Variants in ADAMTS9 observed in about 807,000 individuals in gnomAD.
The protein encoded by ADAMTS9 is A disintegrin and metalloproteinase with thrombospondin motifs 9.
A neutral mutation model predicts 257.1 loss-of-function variants in ADAMTS9; 107 were observed. That is an observed-to-expected ratio of 0.42 (90% confidence interval 0.36 to 0.49). The LOEUF is 0.49. Ranked by LOEUF, ADAMTS9 falls within the 20% of genes least tolerant of loss-of-function variation. ADAMTS9 has a pLI of 0.03. For synonymous variants in ADAMTS9, 982 were observed against 880.9 expected (o/e 1.11, Z -2.03); for missense variants, 2,353 against 2,469.1 (o/e 0.95, Z 1.00).
chr3:64,522,047 T>C, intron 39 of ADAMTS9, 119 bp downstream of exon 39: 3 of 771,478 alleles, frequency 3.9e-6, no homozygotes, highest in African/African-American at 1.7e-5. Context: ...TAGAACTGTA[T>C]TGGGTCAGCT....
intron 31 of ADAMTS9, chr3:64,550,135 A>G (rs1260413332): frequency 2.0e-5 from 3 of 152,234 alleles, no homozygotes; most frequent in African/African-American, 7.2e-5. Context: ...GTTTGAAAAT[A>G]ATATAATCAT....
intron 28 of ADAMTS9, among the ~76,000 whole-genome samples, chr3:64,581,141 A>T (rs531218354): frequency 6.6e-6 from 1 of 152,316 alleles, no homozygotes; most frequent in Admixed American, 6.5e-5. Context: ...TCAGATGTTT[A>T]ATAAATGAGG....
chr3:64,674,515 A>T (rs1701577204), intron 3 of ADAMTS9, among the ~76,000 whole-genome samples: 1 of 152,236 alleles, frequency 6.6e-6, no homozygotes, highest in Non-Finnish European at 1.5e-5. Context: ...GAACTGTTGC[A>T]GGAGTAAATG....
In ADAMTS9 at chr3:64,641,935, G is replaced by C; in HGVS notation, c.1769C>G (p.Ser590Cys). The change falls in exon 12 of 40, where the codon TCC becomes TGC. Residue 590 changes from serine to cysteine, a missense_variant. By Grantham distance (112) the Ser-to-Cys change is moderately radical (BLOSUM62 -1). Transcript: ENST00000498707. ...TCCAAAGGGACTCCAACTTCCCCAG[G>C]ATCCATCTGTCACGGGGACATCCAT... Reference protein sequence around the residue: ...KEMDVPVTDGSWGSWSPFGTC... With the variant: ...KEMDVPVTDGCWGSWSPFGTC... 6.2e-7 allele frequency: 1 copy of C among 1,614,082 alleles called. No homozygotes were observed. The highest frequency in any genetic ancestry group is 8.5e-7 in the Non-Finnish European group (1 of 1,180,006).
chr3:64,603,948 GC>G lies in ADAMTS9; in HGVS notation c.3720del (p.Gln1241AsnfsTer12). ...GAGCTCCAGTCCAAGGCCTTCCATT[GC>G]CCACAGGGTGTCACAGAACATTCTT... is the stretch of plus-strand genomic sequence containing the variant. ...AKEECSVTPCGQWKALDWSSC... is the reference protein window; with the variant it reads ...AKEECSVTPCXQWKALDWSSC... On this transcript the variant is annotated frameshift_variant, in exon 25 of 40. Coordinates refer to ENST00000498707, the MANE Select transcript of ADAMTS9 (RefSeq NM_182920.2). LOFTEE classifies it high-confidence loss of function. The G allele has an allele frequency of 6.2e-7, 1 of 1,613,788 alleles. No individual in the cohort carries two copies. The highest frequency in any genetic ancestry group is 8.5e-7 in the Non-Finnish European group (1 of 1,179,946).
intron 2 of ADAMTS9, among the ~76,000 whole-genome samples, chr3:64,682,643 G>A (rs1701788155): frequency 6.6e-6 from 1 of 152,194 alleles, no homozygotes; most frequent in South Asian, 2.1e-4. Flanking sequence ...CATTGACACA[G>A]GAGAAATGAC....
chr3:64,632,846 C>A (rs374171030), intron 14 of ADAMTS9, among the ~76,000 whole-genome samples: 122 of 146,422 alleles, frequency 8.3e-4, no homozygotes, highest in South Asian at 1.5e-3. Flanking sequence ...AAAAAACAAA[C>A]AAAAAAAACA....
intron 36 of ADAMTS9, among the ~76,000 whole-genome samples, 188 bp from the exon 37 acceptor site, chr3:64,539,482 T>C (rs568648768): frequency 6.6e-6 from 1 of 152,300 alleles, no homozygotes; most frequent in South Asian, 2.1e-4. Context: ...CCTGATTATA[T>C]TTGTGGTTCT....
intron 14 of ADAMTS9, 28 bp downstream of exon 14, chr3:64,633,444 A>AGTGAAGAAAACACC (rs1237798914): frequency 6.2e-7 from 1 of 1,612,570 alleles, no homozygotes; most frequent in Admixed American, 1.7e-5. Flanking sequence ...GGGAAAACAC[A>AGTGAAGAAAACACC]GTGAAGAAAA....
chr3:64,661,825 T>A (rs1701230271), intron 3 of ADAMTS9, among the ~76,000 whole-genome samples: 1 of 152,176 alleles, frequency 6.6e-6, no homozygotes, highest in Admixed American at 6.5e-5. Flanking sequence ...TTGCTTAATG[T>A]CTTCTGTAAA....
intron 26 of ADAMTS9, among the ~76,000 whole-genome samples, chr3:64,600,846 C>A (rs140087611): frequency 3.3e-5 from 5 of 152,326 alleles, no homozygotes; most frequent in African/African-American, 1.2e-4. Context: ...TGAAACATAA[C>A]CGCAGTGGGA....
In ADAMTS9 at chr3:64,550,944, C is replaced by T. The variant is rs1490086374; in HGVS notation, c.4817G>A (p.Ser1606Asn). Reference protein sequence around the residue: ...DVSKRPVDRESCSLQPCEYVW... With the variant: ...DVSKRPVDRENCSLQPCEYVW... ...ATACTCGCAGGGTTGCAAACTACAG[C>T]TTTCACGGTCCACCGGCCGCTTGCT... The change falls in exon 31 of 40, where the codon AGC (serine) becomes AAC (asparagine). Residue 1606 changes from serine to asparagine, a missense_variant. Physicochemically the swap from Ser to Asn is conservative, Grantham distance 46 (BLOSUM62 1). Around this residue, in one of 3 missense-constraint regions of ADAMTS9, gnomAD observed 1,402 missense variants for 1,441.4 expected, o/e 0.97. Coordinates refer to ENST00000498707, the MANE Select transcript of ADAMTS9 (RefSeq NM_182920.2). 2 of 1,614,178 alleles carry T rather than the reference C, an allele frequency of 1.2e-6. No individual in the cohort carries two copies. The highest frequency in any genetic ancestry group is 8.5e-7 in the Non-Finnish European group (1 of 1,180,032).
chr3:64,593,961 ATGTGTGTGTGTG>A (rs200112357), intron 28 of ADAMTS9, among the ~76,000 whole-genome samples: 221 of 108,308 alleles, frequency 2.0e-3, no homozygotes, highest in South Asian at 0.014. Context: ...TGTGTGTATG[ATGTGTGTGTGTG>A]TGTGTGTGTG....
intron 22 of ADAMTS9, among the ~76,000 whole-genome samples, chr3:64,609,413 T>C (rs1215216441): frequency 6.6e-6 from 1 of 152,006 alleles, no homozygotes; most frequent in African/African-American, 2.4e-5. Flanking sequence ...TTACTACAGC[T>C]AATAAACAAA....
At chr3:64,650,867 CTT>C (rs35102734) in intron 9 of ADAMTS9, 148 bp downstream of exon 9, 50,521 of 466,020 alleles carry the variant, frequency 0.11, 1 homozygote, top group East Asian at 0.14. Context: ...TGTCAGAGAG[CTT>C]TTTTTTTTTT....
intron 11 of ADAMTS9, among the ~76,000 whole-genome samples, chr3:64,643,445 ATTT>A (rs57471985): frequency 2.4e-4 from 15 of 61,414 alleles, no homozygotes; most frequent in Admixed American, 7.1e-4. Context: ...TTACTCAATA[ATTT>A]TTTTTTTTTT....
intron 32 of ADAMTS9, 137 bp downstream of exon 32, chr3:64,546,621 T>G: frequency 1.1e-6 from 1 of 878,474 alleles, no homozygotes; most frequent in Admixed American, 3.1e-5. Context: ...TGATCCCTGT[T>G]AGCCCATTTC....
rs549064114 is a variant in ADAMTS9 at position 64,651,172 on chromosome 3, A to G, written c.1317-9T>C. The G allele has an allele frequency of 6.4e-7, 1 of 1,560,262 alleles. No homozygotes were observed. The highest frequency in any genetic ancestry group is 1.7e-4 in the Middle Eastern group (1 of 5,904). On this transcript the variant is annotated splice_polypyrimidine_tract_variant and intron_variant, in intron 8 of 39. Coordinates refer to ENST00000498707, the MANE Select transcript of ADAMTS9 (RefSeq NM_182920.2). ...CATGAGGCATGTTAAACCTAAAGCC[A>G]ATGAGACAATGATGAGAATGTCAAT...
At position 64,607,082 on chromosome 3, in the gene ADAMTS9, GGAA is replaced by G; in HGVS notation, c.3355-6_3355-4del. On this transcript the variant is annotated splice_region_variant and splice_polypyrimidine_tract_variant and intron_variant, in intron 22 of 39. Transcript: ENST00000498707. ...CCCTGTCCACAAGTGACACTGCACT[GGAA>G]GAAGGAGGACAAAAGGTATATACAA... 6.2e-7 allele frequency: 1 copy of G among 1,613,300 alleles called. No individual in the cohort carries two copies. The highest frequency in any genetic ancestry group is 8.5e-7 in the Non-Finnish European group (1 of 1,179,612).
Sources: gnomAD v4.1 joint callset for allele counts (sites outside exome capture counted in the v4.1 genomes callset) on GRCh38, gnomAD v4.1.1 for gene constraint, gnomAD v4.1.1 regional missense constraint, MANE v1.5 for transcripts, NCBI Gene and HGNC (gene_info 2026-07-23, HGNC 2026-07-21) for gene names.